Variants in FGF13 observed in about 807,000 individuals in gnomAD.
FGF13 encodes fibroblast growth factor 13, also known as fibroblast growth factor homologous factor 2.
FGF13 carries 2 observed loss-of-function variants against 19.5 expected under a neutral mutation model. The ratio of observed to expected loss-of-function variants is 0.10; its 90% CI spans 0.04 to 0.32. The LOEUF is 0.32. Among genes scored for constraint, FGF13 ranks in the 10% least tolerant of loss-of-function variants. FGF13 has a pLI of 1.00. For missense variants in FGF13, 113 were observed against 192.7 expected (o/e 0.59, Z 2.45); for synonymous variants, 72 against 76.9 (o/e 0.94, Z 0.33).
chrX:138,702,376 T>C (rs17510130), intron 3 of FGF13, among the ~76,000 whole-genome samples: 1,199 of 111,567 alleles, frequency 0.011, 12 homozygotes, highest in African/African-American at 0.037. Context: ...TGAATTGTAA[T>C]CTACATTGTT....
chrX:139,054,199 T>A (rs777907308), intron 1 of FGF13, among the ~76,000 whole-genome samples: 2 of 94,839 alleles, frequency 2.1e-5, no homozygotes, highest in South Asian at 1.3e-3. Flanking sequence ...CTCGGCTCAC[T>A]GCAAACTCCG....
intron 1 of FGF13, among the ~76,000 whole-genome samples, chrX:139,111,662 C>G (rs1181625574): frequency 3.6e-5 from 4 of 111,548 alleles, no homozygotes; most frequent in African/African-American, 1.3e-4. Flanking sequence ...TTTATGAATG[C>G]TATCTATTTC....
chrX:139,179,713 T>C (rs1480797879), intron 1 of FGF13, among the ~76,000 whole-genome samples: 1 of 113,050 alleles, frequency 8.8e-6, no homozygotes, highest in Non-Finnish European at 1.9e-5. Flanking sequence ...AGCAAATAGC[T>C]GATTGTATGT....
At chrX:138,710,026 T>C (rs1230130097) in intron 1 of FGF13, among the ~76,000 whole-genome samples, 1 of 111,084 alleles carries the variant, frequency 9.0e-6, no homozygotes, top group Non-Finnish European at 1.9e-5. Context: ...GCAAATAAAC[T>C]GCATGCTCGC....
At position 138,616,643 on chromosome X, in the gene FGF13, G is replaced by C. The variant is rs1274318564; in HGVS notation, c.*16207C>G. The C allele has an allele frequency of 8.9e-6, 1 of 112,371 alleles. No homozygotes were observed. The highest frequency in any genetic ancestry group is 1.9e-5 in the Non-Finnish European group (1 of 53,259). The allele number at this position is 112,371 out of a possible 1,213,427, so 9.3% of individuals were successfully genotyped here. Reference sequence around the variant, plus strand: ...TACAGTGCCCCAGTGAAGACTCTGTGGGGGAGCTCCAACCCCACATTTCCC... The same window carrying C: ...TACAGTGCCCCAGTGAAGACTCTGTCGGGGAGCTCCAACCCCACATTTCCC... On this transcript the variant is annotated 3_prime_UTR_variant, in exon 5 of 5. Coordinates refer to ENST00000315930, the MANE Select transcript of FGF13 (RefSeq NM_004114.5).
At chrX:139,100,287 G>A (rs1423281016) in intron 1 of FGF13, among the ~76,000 whole-genome samples, 1 of 110,629 alleles carries the variant, frequency 9.0e-6, no homozygotes, top group Admixed American at 9.7e-5. Context: ...GCGAGGTAAA[G>A]CTATCAAATA....
At chrX:138,779,373 C>T (rs143913161) in intron 3 of FGF13, among the ~76,000 whole-genome samples, 5 of 111,123 alleles carry the variant, frequency 4.5e-5, no homozygotes, top group African/African-American at 6.5e-5. Flanking sequence ...CTCTGAGCTA[C>T]GGAGGATATT....
At chrX:138,974,048 C>G (rs889630193) in intron 1 of FGF13, among the ~76,000 whole-genome samples, 14 of 111,401 alleles carry the variant, frequency 1.3e-4, no homozygotes, top group African/African-American at 4.6e-4. Context: ...ATGTCCTCTG[C>G]CATGTTGTGA....
rs1468683306 is a variant in FGF13 at position 138,960,028 on chromosome X, G to T, written c.-112-95378C>A. Among the ~76,000 whole-genome samples the T allele has an allele frequency of 4.5e-5, 5 of 111,793 alleles. No individual in the cohort carries two copies. The Admixed American group carries it at 4.7e-4, about 11-fold the overall frequency. On this transcript the variant is annotated intron_variant, in intron 1 of 2. Coordinates refer to the FGF13 transcript ENST00000421460. Reference sequence around the variant, plus strand: ...GGCATTTAGCCCATTTACATTTAAGGTTAATATTGTTATGTGTGAATTTGA... The same window carrying T: ...GGCATTTAGCCCATTTACATTTAAGTTTAATATTGTTATGTGTGAATTTGA...
At chrX:138,760,409 G>C (rs2090459139) in intron 3 of FGF13, among the ~76,000 whole-genome samples, 1 of 111,373 alleles carries the variant, frequency 9.0e-6, no homozygotes, top group African/African-American at 3.3e-5. Flanking sequence ...TTGAGTTCCA[G>C]TGTTCATTCC....
At chrX:138,945,271 T>A (rs2091776474) in intron 1 of FGF13, among the ~76,000 whole-genome samples, 2 of 111,396 alleles carry the variant, frequency 1.8e-5, no homozygotes, top group South Asian at 7.8e-4. Flanking sequence ...CATGCATTTA[T>A]CCCCTTGTGG....
rs909358258 is a variant in FGF13, at chrX:138,625,135, A to C, written c.*7715T>G. On this transcript the variant is annotated 3_prime_UTR_variant, in exon 5 of 5. Coordinates refer to ENST00000315930, the MANE Select transcript of FGF13 (RefSeq NM_004114.5). Reference sequence around the variant, plus strand: ...AAATGCAAATCAAAACCACAATGTAATATCACACATGTTATTAATAGGAAT... The same window carrying C: ...AAATGCAAATCAAAACCACAATGTACTATCACACATGTTATTAATAGGAAT... The C allele has an allele frequency of 2.7e-5, 3 of 110,874 alleles. No individual in the cohort carries two copies. Among genetic ancestry groups the C allele is most frequent in the African/African-American group, 9.8e-5 (3 of 30,521 alleles). 9.1% of individuals were successfully genotyped at this position (110,874 alleles called of 1,213,427 possible). A position where few individuals can be genotyped will look rare whatever the true frequency, so the allele number is the denominator to read the frequency against.
intron 1 of FGF13, among the ~76,000 whole-genome samples, chrX:138,952,884 C>G (rs1374277423): frequency 2.7e-5 from 3 of 110,249 alleles, no homozygotes; most frequent in African/African-American, 9.9e-5. Flanking sequence ...TGAGATACCA[C>G]CTCACACCAG....
intron 1 of FGF13, among the ~76,000 whole-genome samples, chrX:139,051,403 C>A (rs1952381070): frequency 1.8e-5 from 2 of 111,494 alleles, no homozygotes; most frequent in South Asian, 7.6e-4. Flanking sequence ...CCCCATTTTA[C>A]TCAGACCTTA....
chrX:138,834,953 G>T (rs2091100859), intron 3 of FGF13, among the ~76,000 whole-genome samples: 1 of 111,639 alleles, frequency 9.0e-6, no homozygotes, highest in South Asian at 3.7e-4. Context: ...CAATTTCCAT[G>T]TAATTATATG....
chrX:138,966,822 T>A (rs142458273), intron 1 of FGF13, among the ~76,000 whole-genome samples: 2,219 of 111,427 alleles, frequency 0.02, 63 homozygotes, highest in African/African-American at 0.069. Flanking sequence ...AATAATCTTC[T>A]TCTGTCAAGG....
intron 1 of FGF13, among the ~76,000 whole-genome samples, chrX:138,888,217 T>C (rs1263502931): frequency 8.9e-6 from 1 of 112,204 alleles, no homozygotes; most frequent in African/African-American, 3.2e-5. Flanking sequence ...TATCATTCCA[T>C]TCCAATGCTC....
At position 139,011,537 on chromosome X, in the gene FGF13, C is replaced by T. The variant is rs866599464; in HGVS notation, c.-112-146887G>A. 4.5e-5 allele frequency among the ~76,000 whole-genome samples: 5 copies of T among 111,208 alleles called. No homozygotes were observed. The South Asian group carries it at 1.1e-3, about 25-fold the overall frequency. ...TGGGATGCAGGGATAGTTTAACATA[C>T]GTAAGTCAACAGATGTTACACACCA... On this transcript the variant is annotated intron_variant, in intron 1 of 2. Coordinates refer to the FGF13 transcript ENST00000421460.
Position 138,706,410 on chromosome X carries a change from CAT to C in FGF13, c.298+2406_298+2407del, listed in dbSNP as rs773035508. Reference sequence around the variant, plus strand: ...GTAAGGTGAAATGCATAATATCAAACATATGTTTTCAGAAATGGATATATCTG... The same window carrying C: ...GTAAGGTGAAATGCATAATATCAAACATGTTTTCAGAAATGGATATATCTG... On this transcript the variant is annotated intron_variant, in intron 2 of 4. Transcript: ENST00000315930. 6.2e-5 allele frequency among the ~76,000 whole-genome samples: 7 copies of C among 112,009 alleles called. No individual in the cohort carries two copies. In the South Asian group the frequency reaches 2.2e-3, roughly 36 times the overall value.
Sources: allele counts gnomAD v4.1 joint callset (sites outside exome capture counted in the v4.1 genomes callset), GRCh38; gene constraint gnomAD v4.1.1; transcripts MANE v1.5; gene names NCBI Gene and HGNC (gene_info 2026-07-23, HGNC 2026-07-21).